ZNF609: variants seen among roughly 807,000 people sequenced by gnomAD.
ZNF609 encodes the protein zinc finger protein 609.
In ZNF609, 11 loss-of-function variants were observed where a neutral mutation model predicts 109.5. The observed-to-expected ratio is 0.10, with a 90% CI of 0.06 to 0.17. The LOEUF is 0.17. ZNF609 is among the 10% of genes least tolerant of loss of function. The pLI is 1.00. For missense variants in ZNF609, 1,559 were observed against 1,772.4 expected (o/e 0.88, Z 2.16); for synonymous variants, 646 against 662.0 (o/e 0.98, Z 0.37).
Position 64,499,626 on chromosome 15 carries a change from A to C in ZNF609, c.207A>C (p.Pro69=). 1 of 1,614,206 alleles carries C rather than the reference A, an allele frequency of 6.2e-7. No individual in the cohort carries two copies. The highest frequency in any genetic ancestry group is 1.3e-5 in the African/African-American group (1 of 75,038). The part of the protein sequence containing the change: ...IPAPNAVATL[P]DNIKFVTPVP... Reference sequence around the variant, plus strand: ...CTCCCAATGCTGTGGCCACACTACCAGACAACATCAAGTTTGTGACCCCAG... The same window carrying C: ...CTCCCAATGCTGTGGCCACACTACCCGACAACATCAAGTTTGTGACCCCAG... Residue 69 remains proline (P), a synonymous_variant, in exon 2 of 10, where the codon CCA becomes CCC. Coordinates refer to ENST00000326648, the MANE Select transcript of ZNF609 (RefSeq NM_015042.2).
chr15:64,562,701 G>A lies in ZNF609; in HGVS notation c.748-60126G>A, dbSNP rs182145442. On this transcript the variant is annotated intron_variant, in intron 2 of 9. Coordinates refer to ENST00000326648, the MANE Select transcript of ZNF609 (RefSeq NM_015042.2). ...TATTTGCAATAATTTCATGATTGTC[G>A]TAATTAAACTATAGCCCGAGTTTAA... Among the ~76,000 whole-genome samples the A allele has an allele frequency of 3.2e-3, 482 of 150,070 alleles. 3 individuals carry two copies. Among genetic ancestry groups the A allele is most frequent in the African/African-American group, 0.011 (461 of 40,974 alleles).
At chr15:64,643,232 C>T (rs1896288219) in intron 3 of ZNF609, among the ~76,000 whole-genome samples, 2 of 152,194 alleles carry the variant, frequency 1.3e-5, no homozygotes, top group African/African-American at 4.8e-5. Context: ...CTCAGTCCTA[C>T]CAATTTCCTG....
intron 2 of ZNF609, among the ~76,000 whole-genome samples, chr15:64,618,921 C>G (rs1895839792): frequency 6.6e-6 from 1 of 152,116 alleles, no homozygotes; most frequent in Non-Finnish European, 1.5e-5. Flanking sequence ...TTGGGAAATC[C>G]AACATTTGGG....
intron 2 of ZNF609, chr15:64,592,908 TG>T (rs1254387086): frequency 1.3e-6 from 1 of 743,630 alleles, no homozygotes; most frequent in Non-Finnish European, 2.2e-6. Flanking sequence ...GCAAGACTCT[TG>T]TCTCAAAAAA....
intron 3 of ZNF609, among the ~76,000 whole-genome samples, chr15:64,632,720 G>A (rs1030771079): frequency 1.1e-4 from 16 of 151,852 alleles, no homozygotes; most frequent in Non-Finnish European, 2.2e-4. Flanking sequence ...TGCCTGCCTT[G>A]GCCTCCCAAA....
At chr15:64,584,948 A>G (rs560288260) in intron 2 of ZNF609, among the ~76,000 whole-genome samples, 15 of 151,842 alleles carry the variant, frequency 9.9e-5, no homozygotes, top group Admixed American at 9.8e-4. Context: ...AAATATAAAA[A>G]ATAAATAAGG....
intron 2 of ZNF609, among the ~76,000 whole-genome samples, chr15:64,571,942 G>T (rs1381443859): frequency 6.6e-6 from 1 of 152,202 alleles, no homozygotes; most frequent in Non-Finnish European, 1.5e-5. Flanking sequence ...ACAGGTGTGA[G>T]CCCGGCCTTG....
chr15:64,487,703 G>T (rs1246192254), intron 1 of ZNF609, among the ~76,000 whole-genome samples: 1 of 152,016 alleles, frequency 6.6e-6, no homozygotes, highest in East Asian at 1.9e-4. Context: ...CACAATCTCG[G>T]CTCACTGCAA....
At chr15:64,497,015 A>G (rs886261176) in intron 1 of ZNF609, among the ~76,000 whole-genome samples, 1 of 152,132 alleles carries the variant, frequency 6.6e-6, no homozygotes, top group Non-Finnish European at 1.5e-5. Flanking sequence ...GGGTTTTGCC[A>G]TGTTGCCCAG....
intron 3 of ZNF609, among the ~76,000 whole-genome samples, chr15:64,632,256 C>T (rs1896094351): frequency 1.3e-5 from 2 of 151,872 alleles, no homozygotes; most frequent in Admixed American, 1.3e-4. Flanking sequence ...TGTCTTATTA[C>T]ATTGCACAGG....
chr15:64,595,704 A>G (rs1204218508), intron 2 of ZNF609, among the ~76,000 whole-genome samples: 2 of 152,116 alleles, frequency 1.3e-5, no homozygotes, highest in Non-Finnish European at 2.9e-5. Flanking sequence ...TATACAGATA[A>G]ATGGTAAAAA....
chr15:64,600,315 T>G (rs185068867), intron 2 of ZNF609, among the ~76,000 whole-genome samples: 43 of 151,752 alleles, frequency 2.8e-4, no homozygotes, highest in Middle Eastern at 6.8e-3. Context: ...CTGAGCATGG[T>G]GGCGGGCACC....
chr15:64,623,084 C>G, intron 3 of ZNF609, 32 bp downstream of exon 3: 1 of 1,600,928 alleles, frequency 6.2e-7, no homozygotes, highest in South Asian at 1.1e-5. Context: ...CCCCTCCCTT[C>G]TCAACCTGCT....
intron 1 of ZNF609, among the ~76,000 whole-genome samples, chr15:64,477,163 C>T (rs1183332629): frequency 3.6e-5 from 4 of 112,204 alleles, no homozygotes; most frequent in African/African-American, 1.1e-4. Flanking sequence ...TTTTTTGAGA[C>T]GGTGTCTTGC....
chr15:64,493,582 A>T (rs1353705889), intron 1 of ZNF609, among the ~76,000 whole-genome samples: 1 of 152,168 alleles, frequency 6.6e-6, no homozygotes, highest in East Asian at 1.9e-4. Context: ...CAGGTGTAGG[A>T]ACAAAACACA....
rs2141011504 is a variant in ZNF609 at position 64,670,547 on chromosome 15, T to C, written c.1061+114T>C. On this transcript the variant is annotated intron_variant, in intron 4 of 9. Transcript: ENST00000326648. The stretch of plus-strand genomic sequence containing the variant: ...CCAGCTTTTAAAGGACATGATGGTA[T>C]AGATACCAGGGAAAGCACTGTATTT... 3.4e-6 allele frequency: 3 copies of C among 886,486 alleles called. No homozygotes were observed. The East Asian group carries it at 7.6e-5, about 23-fold the overall frequency. The allele number at this position is 886,486 out of a possible 1,614,324, so 54.9% of individuals were successfully genotyped here.
intron 2 of ZNF609, among the ~76,000 whole-genome samples, chr15:64,607,502 C>CTTTTT (rs200902765): frequency 1.5e-5 from 2 of 131,988 alleles, no homozygotes; most frequent in Non-Finnish European, 3.2e-5. Flanking sequence ...TTAAGGCATA[C>CTTTTT]TTTTTTTTTT....
intron 2 of ZNF609, among the ~76,000 whole-genome samples, chr15:64,573,559 G>A (rs1268990924): frequency 1.3e-5 from 2 of 151,248 alleles, no homozygotes; most frequent in African/African-American, 2.4e-5. Context: ...GTAGAGATGG[G>A]GTTTCACCTT....
rs747997055 is a variant in ZNF609, at chr15:64,670,380, G to T, written c.1008G>T (p.Lys336Asn). ...TGGTAAATGTAACGTGGAGGAACAA[G>T]ACATATGTAGGTACACTCCTTGACT... ...MLVVNVTWRN[K>N]TYVGTLLDCT... The change falls in exon 4 of 10, where the codon AAG (lysine) becomes AAT (asparagine). Residue 336 changes from lysine (K) to asparagine (N), a missense_variant. By Grantham distance (94) the Lys-to-Asn change is moderately conservative (BLOSUM62 0). This residue lies in a region of ZNF609 where 38 missense variants were observed against 82.1 expected (regional missense o/e 0.46). Coordinates refer to ENST00000326648, the MANE Select transcript of ZNF609 (RefSeq NM_015042.2). 1.9e-6 allele frequency: 3 copies of T among 1,614,072 alleles called. No individual in the cohort carries two copies. Among genetic ancestry groups the T allele is most frequent in the Non-Finnish European group, 1.7e-6 (2 of 1,179,980 alleles).
Sources: gnomAD v4.1 joint callset for allele counts (sites outside exome capture counted in the v4.1 genomes callset) on GRCh38, gnomAD v4.1.1 for gene constraint, gnomAD v4.1.1 regional missense constraint, MANE v1.5 for transcripts, NCBI Gene and HGNC (gene_info 2026-07-23, HGNC 2026-07-21) for gene names.